CBFA2T2: variants seen among roughly 807,000 people sequenced by gnomAD.
The protein encoded by CBFA2T2 is CBFA2/RUNX1 partner transcriptional co-repressor 2, also known as protein CBFA2T2.
In CBFA2T2, 11 loss-of-function variants were observed where a neutral mutation model predicts 62.2. The observed-to-expected ratio is 0.18, with a 90% CI of 0.11 to 0.29. The LOEUF (loss-of-function observed/expected upper bound fraction) is 0.29, where lower values mean the gene tolerates loss of function less well. CBFA2T2 is among the 10% of genes least tolerant of loss of function. The probability of loss-of-function intolerance (pLI) is 1.00; values close to 1 mark genes in which losing one functional copy is unlikely to be tolerated. For missense variants in CBFA2T2, 592 were observed against 774.1 expected (o/e 0.76, Z 2.79); for synonymous variants, 295 against 287.5 (o/e 1.03, Z -0.27).
chr20:33,530,211 T>C (rs979202695), intron 1 of CBFA2T2, among the ~76,000 whole-genome samples: 1 of 151,822 alleles, frequency 6.6e-6, no homozygotes, highest in Admixed American at 6.6e-5. Context: ...AGGCATGAGC[T>C]ATCACACCCA....
chr20:33,533,748 C>T (rs2012125168), intron 1 of CBFA2T2, among the ~76,000 whole-genome samples: 2 of 151,862 alleles, frequency 1.3e-5, no homozygotes, highest in South Asian at 2.1e-4. Context: ...CTGAGGTGGG[C>T]GGATCACCTG....
Position 33,624,840 on chromosome 20 carries a change from G to T in CBFA2T2, c.769G>T (p.Ala257Ser). The T allele has an allele frequency of 6.2e-7, 1 of 1,614,130 alleles. No homozygotes were observed. The highest frequency in any genetic ancestry group is 8.5e-7 in the Non-Finnish European group (1 of 1,180,010). Residue 257 changes from alanine (A) to serine (S), a missense_variant, in exon 6 of 11, where the codon GCT (alanine) becomes TCT (serine). Physicochemically the swap from Ala to Ser is moderately conservative, Grantham distance 99. This residue lies in a region of CBFA2T2 where 449 missense variants were observed against 551.2 expected (regional missense o/e 0.81). Coordinates refer to ENST00000342704, the MANE Select transcript of CBFA2T2 (RefSeq NM_001032999.3). ...PAKRVCTISP[A>S]PRHSPALTVP... is the part of the protein sequence containing the mutation. ...CAAGAGAGTATGTACCATCAGCCCTGCTCCTCGGCACAGTCCTGCTCTCAC... is the reference window on the plus strand; with the variant it reads ...CAAGAGAGTATGTACCATCAGCCCTTCTCCTCGGCACAGTCCTGCTCTCAC...
intron 1 of CBFA2T2, among the ~76,000 whole-genome samples, chr20:33,557,833 T>TC (rs1020749388): frequency 2.8e-5 from 4 of 142,492 alleles, no homozygotes; most frequent in African/African-American, 7.9e-5. Flanking sequence ...TTTCTCTCTC[T>TC]TTTTTTTTTT....
intron 3 of CBFA2T2, among the ~76,000 whole-genome samples, chr20:33,614,205 A>T (rs2015625414): frequency 6.6e-6 from 1 of 152,158 alleles, no homozygotes; most frequent in Non-Finnish European, 1.5e-5. Flanking sequence ...TTTCTTTTAA[A>T]TGGCCACATT....
intron 1 of CBFA2T2, among the ~76,000 whole-genome samples, chr20:33,534,679 G>A (rs532636013): frequency 7.4e-5 from 11 of 149,342 alleles, no homozygotes; most frequent in Non-Finnish European, 1.2e-4. Context: ...TTCTCCCAGC[G>A]TATTACTTGT....
At chr20:33,529,129 C>T (rs1314527901) in intron 1 of CBFA2T2, among the ~76,000 whole-genome samples, 2 of 151,984 alleles carry the variant, frequency 1.3e-5, no homozygotes, top group Non-Finnish European at 2.9e-5. Flanking sequence ...GGGTTTACGC[C>T]ATTCTCCTGC....
chr20:33,521,824 G>A (rs563018423), intron 1 of CBFA2T2, among the ~76,000 whole-genome samples: 3 of 106,746 alleles, frequency 2.8e-5, no homozygotes, highest in South Asian at 2.6e-4. Flanking sequence ...TTTGAGCTGC[G>A]TGTGTGTGTG....
At chr20:33,490,601 AT>A (rs945586149) in intron 1 of CBFA2T2, among the ~76,000 whole-genome samples, 1 of 152,150 alleles carries the variant, frequency 6.6e-6, no homozygotes, top group Admixed American at 6.5e-5. Flanking sequence ...GGCAAGAATC[AT>A]TTTGTTGTCC....
At chr20:33,605,797 A>T (rs555811935) in intron 1 of CBFA2T2, among the ~76,000 whole-genome samples, 1 of 151,986 alleles carries the variant, frequency 6.6e-6, no homozygotes, top group Admixed American at 6.6e-5. Flanking sequence ...ATGTATATAT[A>T]TAATTTAGTA....
intron 1 of CBFA2T2, among the ~76,000 whole-genome samples, chr20:33,518,184 A>G (rs535981279): frequency 2.0e-5 from 3 of 151,370 alleles, no homozygotes; most frequent in Non-Finnish European, 4.4e-5. Flanking sequence ...TCCTGACCTC[A>G]TGATCCGCCT....
intron 4 of CBFA2T2, among the ~76,000 whole-genome samples, chr20:33,622,485 C>G (rs762044161): frequency 4.3e-4 from 65 of 152,092 alleles, no homozygotes; most frequent in Non-Finnish European, 7.9e-4. Flanking sequence ...AGATCGAGTT[C>G]TGAGCTTTTA....
chr20:33,523,037 TTA>T (rs1293045061), intron 1 of CBFA2T2, among the ~76,000 whole-genome samples: 1 of 152,160 alleles, frequency 6.6e-6, no homozygotes, highest in Non-Finnish European at 1.5e-5. Flanking sequence ...AGTTGTATAC[TTA>T]TCCCTTTAGA....
intron 1 of CBFA2T2, among the ~76,000 whole-genome samples, chr20:33,546,219 A>G (rs1392295168): frequency 1.3e-5 from 2 of 152,172 alleles, no homozygotes; most frequent in Non-Finnish European, 2.9e-5. Context: ...ATTTAATAAT[A>G]GAATAAACAT....
At chr20:33,638,330 T>C (rs1358561060) in intron 9 of CBFA2T2, among the ~76,000 whole-genome samples, 1 of 152,166 alleles carries the variant, frequency 6.6e-6, no homozygotes, top group African/African-American at 2.4e-5. Context: ...GGGAGATACC[T>C]TTGGTTAACT....
At chr20:33,518,173 C>T (rs117820617) in intron 1 of CBFA2T2, among the ~76,000 whole-genome samples, 2,909 of 151,740 alleles carry the variant, frequency 0.019, 209 homozygotes, top group Admixed American at 0.14. Context: ...TGGTTTCGGT[C>T]TCCTGACCTC....
At chr20:33,611,418 T>G (rs931882676) in intron 3 of CBFA2T2, 83 bp downstream of exon 3, 1 of 1,533,204 alleles carries the variant, frequency 6.5e-7, no homozygotes, top group African/African-American at 1.4e-5. Context: ...ATATTTCTGC[T>G]CATTTTCAAA....
Position 33,513,835 on chromosome 20 carries a change from A to G in CBFA2T2, c.34+23534A>G, listed in dbSNP as rs562983056. Reference sequence around the variant, plus strand: ...TCCCAGGAAAAAAAAAAAAAAAAAAAAGAATGTTGTACCTGTTTAATATAT... The same window carrying G: ...TCCCAGGAAAAAAAAAAAAAAAAAAGAGAATGTTGTACCTGTTTAATATAT... On this transcript the variant is annotated intron_variant, in intron 1 of 10. Coordinates refer to ENST00000342704, the MANE Select transcript of CBFA2T2 (RefSeq NM_001032999.3). Among the ~76,000 whole-genome samples the G allele has an allele frequency of 6.7e-4, 101 of 150,806 alleles. 1 individual carries two copies. Among genetic ancestry groups the G allele is most frequent in the African/African-American group, 2.3e-3 (96 of 41,330 alleles).
At chr20:33,574,262 G>T (rs1428770719) in intron 1 of CBFA2T2, 3 of 1,610,342 alleles carry the variant, frequency 1.9e-6, no homozygotes, top group African/African-American at 1.3e-5. Flanking sequence ...CAATGGAAAG[G>T]TATGTGTGAA....
intron 1 of CBFA2T2, among the ~76,000 whole-genome samples, chr20:33,503,536 A>AGCACTGCACCTG (rs1282233763): frequency 6.6e-6 from 1 of 152,132 alleles, no homozygotes; most frequent in Non-Finnish European, 1.5e-5. Flanking sequence ...TGCAGGCGTG[A>AGCACTGCACCTG]GCCACCGCAC....
Sources: gnomAD v4.1 joint callset for allele counts (sites outside exome capture counted in the v4.1 genomes callset) on GRCh38, gnomAD v4.1.1 for gene constraint, gnomAD v4.1.1 regional missense constraint, MANE v1.5 for transcripts, NCBI Gene and HGNC (gene_info 2026-07-23, HGNC 2026-07-21) for gene names.